Variants in STRIP1 observed in about 807,000 individuals in gnomAD.
STRIP1 encodes striatin interacting protein 1.
Under a neutral mutation model 106.2 loss-of-function variants are expected in STRIP1, and 63 were observed. That is an observed-to-expected ratio of 0.59 (90% CI 0.48 to 0.73). STRIP1 has a LOEUF of 0.73. Among genes scored for constraint, STRIP1 ranks in the 30% least tolerant of loss-of-function variants. STRIP1 has a pLI of 0.00. For synonymous variants in STRIP1, 390 were observed against 413.0 expected (o/e 0.94, Z 0.67); for missense variants, 857 against 1,074.8 (o/e 0.80, Z 2.83).
In STRIP1 at chr1:110,043,627, C is replaced by G; in HGVS notation, c.1069-12C>G. The G allele has an allele frequency of 3.7e-6, 6 of 1,611,428 alleles. No homozygotes were observed. The Admixed American group carries it at 8.4e-5, about 23-fold the overall frequency. ...AGTTGGCTCTTGTCTCATCTCCCTT[C>G]CCTGGTTTCAGGCTCTGATAAAGCA... On this transcript the variant is annotated splice_polypyrimidine_tract_variant and intron_variant, in intron 9 of 20. Transcript: ENST00000369795.
At chr1:110,034,579 G>A (rs1456807967), upstream of STRIP1, 1 of 1,453,334 alleles carries the variant, frequency 6.9e-7, no homozygotes, top group East Asian at 2.9e-5. Context: ...AGAAAATCAC[G>A]CGAGAGTTGC....
At chr1:110,043,355 G>A (rs1652866498) in intron 9 of STRIP1, 85 bp downstream of exon 9, 5 of 1,370,596 alleles carry the variant, frequency 3.6e-6, no homozygotes, top group East Asian at 2.3e-5. Flanking sequence ...GAGCAGGGCT[G>A]CTGGAAATGA....
At chr1:110,044,535 GTC>G (rs1652926452) in intron 10 of STRIP1, among the ~76,000 whole-genome samples, 1 of 152,216 alleles carries the variant, frequency 6.6e-6, no homozygotes, top group Non-Finnish European at 1.5e-5. Context: ...ATTTAAGAAA[GTC>G]TGTTGACAAA....
intron 1 of STRIP1, 61 bp downstream of exon 1, chr1:110,034,878 CGGGGCCACTCTA>C: frequency 2.9e-6 from 4 of 1,369,120 alleles, no homozygotes; most frequent in Non-Finnish European, 3.8e-6. Context: ...GTCCCGGGCC[CGGGGCCACTCTA>C]GGGGCCAGGT....
intron 7 of STRIP1, 23 bp from the exon 8 acceptor site, chr1:110,041,711 T>C (rs779667103): frequency 6.2e-7 from 1 of 1,614,172 alleles, no homozygotes; most frequent in South Asian, 1.1e-5. Flanking sequence ...GGGAGGGTCC[T>C]GATACCTTTG....
chr1:110,040,526 G>A, intron 5 of STRIP1, 109 bp from the exon 6 acceptor site: 2 of 1,073,648 alleles, frequency 1.9e-6, no homozygotes, highest in Non-Finnish European at 2.7e-6. Context: ...CTCTTGTGCA[G>A]TCCAAGCACG....
At chr1:110,040,799 T>TACAGAA in intron 6 of STRIP1, 96 bp downstream of exon 6, 1 of 1,051,280 alleles carries the variant, frequency 9.5e-7, no homozygotes, top group Non-Finnish European at 1.4e-6. Context: ...TTGCTGTGTG[T>TACAGAA]GCTTCTGTAC....
At chr1:110,038,537 C>G in intron 2 of STRIP1, 146 bp from the exon 3 acceptor site, 1 of 629,962 alleles carries the variant, frequency 1.6e-6, no homozygotes, top group Non-Finnish European at 2.8e-6. Flanking sequence ...AGATCCCCTT[C>G]ATAATTAGAG....
intron 8 of STRIP1, among the ~76,000 whole-genome samples, chr1:110,042,580 G>C (rs944141769): frequency 6.6e-6 from 1 of 152,242 alleles, no homozygotes; most frequent in African/African-American, 2.4e-5. Flanking sequence ...TAAGGCTAGA[G>C]AGGAAAGCTG....
chr1:110,032,724 C>T (rs1291530062), upstream of STRIP1, among the ~76,000 whole-genome samples: 1 of 152,118 alleles, frequency 6.6e-6, no homozygotes, highest in Non-Finnish European at 1.5e-5. Flanking sequence ...CAAATCCTGT[C>T]CCCCTACCTA....
At chr1:110,032,165 A>G (rs1652209565), upstream of STRIP1, among the ~76,000 whole-genome samples, 1 of 152,182 alleles carries the variant, frequency 6.6e-6, no homozygotes, top group African/African-American at 2.4e-5. Flanking sequence ...TTTCCTTAGA[A>G]TCTATTACTA....
intron 19 of STRIP1, 24 bp from the exon 20 acceptor site, chr1:110,051,659 C>G (rs779719153): frequency 6.3e-7 from 1 of 1,575,000 alleles, no homozygotes; most frequent in Admixed American, 1.9e-5. Flanking sequence ...TCAACTTGGG[C>G]TGCTTGCTTG....
Position 110,049,162 on chromosome 1 carries a change from A to G in STRIP1, c.1712A>G (p.Lys571Arg). Residue 571 changes from lysine (K) to arginine (R), a missense_variant, in exon 16 of 21, where the codon AAA becomes AGA. Physicochemically the swap from Lys to Arg is conservative, Grantham distance 26. This residue lies in a region of STRIP1 where 750 missense variants were observed against 989.8 expected (regional missense o/e 0.76). Coordinates refer to ENST00000369795, the MANE Select transcript of STRIP1 (RefSeq NM_033088.4). Reference protein sequence around the residue: ...MKLGVDVNRHKEVIVKAISAV... With the variant: ...MKLGVDVNRHREVIVKAISAV... The stretch of plus-strand genomic sequence containing the variant: ...CTGGGGGTGGATGTAAACCGCCACA[A>G]AGAGGTCATTGTTAAGGCCATTTCT... The G allele has an allele frequency of 6.2e-7, 1 of 1,614,222 alleles. No homozygotes were observed. Among genetic ancestry groups the G allele is most frequent in the Non-Finnish European group, 8.5e-7 (1 of 1,180,044 alleles).
intron 14 of STRIP1, 38 bp downstream of exon 14, chr1:110,047,654 G>C: frequency 6.3e-7 from 1 of 1,586,490 alleles, no homozygotes; most frequent in East Asian, 2.3e-5. Flanking sequence ...CCACTACACT[G>C]GCCTTAGAGC....
chr1:110,041,996 C>A, intron 8 of STRIP1, 135 bp downstream of exon 8: 1 of 1,087,924 alleles, frequency 9.2e-7, no homozygotes, highest in Non-Finnish European at 1.3e-6. Context: ...TAAAAAGCTG[C>A]TAAAAGGAGA....
intron 12 of STRIP1, 115 bp from the exon 13 acceptor site, chr1:110,046,565 A>G: frequency 1.1e-6 from 1 of 891,762 alleles, no homozygotes; most frequent in Non-Finnish European, 1.9e-6. Flanking sequence ...TGGTGACTTA[A>G]TCCTCTTTCA....
chr1:110,039,911 C>T (rs981373255), intron 5 of STRIP1: 8 of 1,293,182 alleles, frequency 6.2e-6, no homozygotes, highest in African/African-American at 1.5e-5. Flanking sequence ...CCTGGCCTTG[C>T]CTGTGTCACC....
chr1:110,053,751 C>T lies in STRIP1; in HGVS notation c.2353C>T (p.Arg785Trp), dbSNP rs890263495. The T allele has an allele frequency of 7.4e-6, 12 of 1,614,010 alleles. No homozygotes were observed. The highest frequency in any genetic ancestry group is 2.2e-5 in the South Asian group (2 of 91,086). The part of the protein sequence containing the change: ...IERFNARRYD[R>W]AHSNPDFLPV... ...ACGCTTCAACGCCCGGCGCTATGAC[C>T]GGGCCCACAGCAACCCTGACTTCCT... The change falls in exon 21 of 21, where the codon CGG becomes TGG. Residue 785 changes from arginine (R) to tryptophan (W), a missense_variant. Arg to Trp is a moderately radical substitution (Grantham distance 101). This residue lies in a region of STRIP1 where 750 missense variants were observed against 989.8 expected (regional missense o/e 0.76). Coordinates refer to ENST00000369795, the MANE Select transcript of STRIP1 (RefSeq NM_033088.4).
chr1:110,038,050 T>G, intron 2 of STRIP1, 90 bp downstream of exon 2: 1 of 541,244 alleles, frequency 1.8e-6, no homozygotes. Context: ...TAGGGCTTCA[T>G]TGCTTTCCCT....
Sources: allele counts gnomAD v4.1 joint callset (sites outside exome capture counted in the v4.1 genomes callset), GRCh38; gene constraint gnomAD v4.1.1; regional missense constraint gnomAD v4.1.1; transcripts MANE v1.5; gene names NCBI Gene and HGNC (gene_info 2026-07-23, HGNC 2026-07-21).